The following NCOA7 variants were observed in gnomAD, a reference collection of about 807,000 sequenced individuals.
The protein encoded by NCOA7 is 140 kDa estrogen receptor-associated protein.
A neutral mutation model predicts 104.3 loss-of-function variants in NCOA7; 45 were observed. The observed-to-expected ratio is 0.43, with a 90% CI of 0.34 to 0.55. The LOEUF (loss-of-function observed/expected upper bound fraction) is 0.55, where lower values mean the gene tolerates loss of function less well. Among genes scored for constraint, NCOA7 ranks in the 20% least tolerant of loss-of-function variants. The pLI is 0.02. For synonymous variants in NCOA7, 398 were observed against 402.3 expected, an observed-to-expected ratio of 0.99 and a Z score of 0.13; for missense variants, 1,041 against 1,119.7, an observed-to-expected ratio of 0.93 and a Z score of 1.00.
At chr6:125,867,599 T>C (rs553401807) in intron 3 of NCOA7, among the ~76,000 whole-genome samples, 7 of 152,236 alleles carry the variant, frequency 4.6e-5, no homozygotes, top group African/African-American at 7.2e-5. Context: ...CTCTTTATCC[T>C]GGAGTTTCCA....
At chr6:125,831,163 C>T (rs760396200) in intron 2 of NCOA7, among the ~76,000 whole-genome samples, 2 of 152,088 alleles carry the variant, frequency 1.3e-5, no homozygotes, top group Non-Finnish European at 2.9e-5. Context: ...CTAAGTTAAC[C>T]GAATTCTCTA....
intron 12 of NCOA7, among the ~76,000 whole-genome samples, chr6:125,921,517 C>A (rs1006496529): frequency 6.6e-6 from 1 of 152,138 alleles, no homozygotes; most frequent in South Asian, 2.1e-4. Context: ...AAGGCCAGTG[C>A]CCCCTGCTCT....
rs1393197777 is a variant in NCOA7 at position 125,865,559 on chromosome 6, AC to A, written c.272-9329del. On this transcript the variant is annotated intron_variant, in intron 3 of 15. Transcript: ENST00000392477. ...TAGGTTTCTCTTAAAGTGCTACCTA[AC>A]AATACTGAATGTTTTAATTGTGCTT... 6.1e-3 allele frequency among the ~76,000 whole-genome samples: 837 copies of A among 137,392 alleles called. 216 individuals are homozygous for A. The highest frequency in any genetic ancestry group is 0.024 in the African/African-American group (790 of 32,880). The allele number at this position is 137,392 out of a possible 152,430, so 90.1% of individuals were successfully genotyped here.
At chr6:125,788,540 CT>C (rs59616110), upstream of NCOA7, among the ~76,000 whole-genome samples, 482 of 141,386 alleles carry the variant, frequency 3.4e-3, 2 homozygotes, top group African/African-American at 4.6e-3. Flanking sequence ...TTTGGAAGAC[CT>C]TTTTTTTTTT....
chr6:125,800,577 T>A (rs1775789273), intron 1 of NCOA7, among the ~76,000 whole-genome samples: 2 of 152,202 alleles, frequency 1.3e-5, no homozygotes, highest in African/African-American at 4.8e-5. Context: ...ATCAACTTAT[T>A]AAACATAAAT....
At chr6:125,809,418 A>G (rs1366683233) in intron 1 of NCOA7, among the ~76,000 whole-genome samples, 1 of 152,096 alleles carries the variant, frequency 6.6e-6, no homozygotes, top group African/African-American at 2.4e-5. Context: ...CCTGACCTCA[A>G]GCCTTCCACC....
intron 2 of NCOA7, among the ~76,000 whole-genome samples, chr6:125,821,180 T>TA (rs750874741): frequency 3.5e-4 from 53 of 152,154 alleles, no homozygotes; most frequent in Non-Finnish European, 6.8e-4. Flanking sequence ...TGAGTAGAAG[T>TA]ATTATCATCT....
At chr6:125,884,796 G>T (rs775854412) in intron 7 of NCOA7, among the ~76,000 whole-genome samples, 2 of 152,148 alleles carry the variant, frequency 1.3e-5, no homozygotes, top group Non-Finnish European at 2.9e-5. Context: ...CTGTATTCTC[G>T]ATCGGGTAAG....
intron 1 of NCOA7, among the ~76,000 whole-genome samples, chr6:125,808,226 C>T (rs1451522459): frequency 6.6e-6 from 1 of 152,174 alleles, no homozygotes; most frequent in Non-Finnish European, 1.5e-5. Flanking sequence ...ACCTCTTCTG[C>T]ATTCACGGTC....
At chr6:125,880,102 C>T (rs539026281) in intron 5 of NCOA7, among the ~76,000 whole-genome samples, 2 of 152,256 alleles carry the variant, frequency 1.3e-5, no homozygotes, top group East Asian at 3.9e-4. Context: ...TTTTGAGAAC[C>T]AGAATGTTTT....
In NCOA7 at chr6:125,882,420, C is replaced by T; in HGVS notation, c.574-6C>T. The T allele has an allele frequency of 1.9e-6, 3 of 1,608,322 alleles. No individual in the cohort carries two copies. Among genetic ancestry groups the T allele is most frequent in the Non-Finnish European group, 2.5e-6 (3 of 1,178,666 alleles). On this transcript the variant is annotated splice_polypyrimidine_tract_variant and splice_region_variant and intron_variant, in intron 6 of 15. Coordinates refer to ENST00000392477, the MANE Select transcript of NCOA7 (RefSeq NM_181782.5). Reference sequence around the variant, plus strand: ...ATTTGATTTTGAAATTTTTTGCTTTCACAAGGATGCTGACTTAGCACGAAA... The same window carrying T: ...ATTTGATTTTGAAATTTTTTGCTTTTACAAGGATGCTGACTTAGCACGAAA...
chr6:125,919,034 A>T (rs562894410), intron 11 of NCOA7, among the ~76,000 whole-genome samples: 1 of 152,300 alleles, frequency 6.6e-6, no homozygotes, highest in East Asian at 1.9e-4. Flanking sequence ...GAAAAAAAGT[A>T]TAAGAAGGAA....
chr6:125,913,728 A>G (rs1786796358), intron 10 of NCOA7: 1 of 877,804 alleles, frequency 1.1e-6, no homozygotes, highest in African/African-American at 1.8e-5. Flanking sequence ...GACATGATTA[A>G]TATAAAAAGG....
rs536319258 is a variant in NCOA7 at position 125,881,924 on chromosome 6, G to A, written c.574-502G>A. 7.9e-5 allele frequency among the ~76,000 whole-genome samples: 12 copies of A among 152,156 alleles called. No homozygotes were observed. The South Asian group carries it at 1.2e-3, about 16-fold the overall frequency. On this transcript the variant is annotated intron_variant, in intron 6 of 15. Transcript: ENST00000392477. ...GCTGTAGTGCAATGGCACGATCTTC[G>A]CTTACTGCAACCTCCGCCTCCTAGT...
In NCOA7 at chr6:125,840,868, G is replaced by GTTTTTT. The variant is rs57168444; in HGVS notation, c.51-14115_51-14110dup. Among the ~76,000 whole-genome samples the GTTTTTT allele has an allele frequency of 1.9e-3, 76 of 40,368 alleles. 10 individuals carry two copies. Among genetic ancestry groups the GTTTTTT allele is most frequent in the East Asian group, 4.4e-3 (6 of 1,358 alleles). 26.5% of individuals were successfully genotyped at this position (40,368 alleles called of 152,430 possible). A position where few individuals can be genotyped will look rare whatever the true frequency, so the allele number is the denominator to read the frequency against. On this transcript the variant is annotated intron_variant, in intron 2 of 15. Transcript: ENST00000392477. ...TTTTATGGTTTTTTTTGTTTGGTTG[G>GTTTTTT]TTTTTTTTTTTTTTTTTTTTTTTTT...
intron 10 of NCOA7, among the ~76,000 whole-genome samples, chr6:125,913,884 A>ATTGAAAAATGTTCAAGCCCTTAACG (rs1321007098): frequency 4.6e-5 from 7 of 152,262 alleles, no homozygotes; most frequent in Non-Finnish European, 1.0e-4. Flanking sequence ...GGAAGAAAAT[A>ATTGAAAAATGTTCAAGCCCTTAACG]TTGAAAAATG....
intron 12 of NCOA7, 90 bp downstream of exon 12, chr6:125,921,158 C>T (rs1787543327): frequency 6.7e-7 from 1 of 1,500,492 alleles, no homozygotes; most frequent in Non-Finnish European, 8.9e-7. Context: ...GCCTGTAATC[C>T]TCACACTTTG....
At chr6:125,853,520 G>A (rs773484055) in intron 2 of NCOA7, among the ~76,000 whole-genome samples, 12 of 152,068 alleles carry the variant, frequency 7.9e-5, no homozygotes, top group Non-Finnish European at 1.3e-4. Context: ...CTGCTGCTCT[G>A]TCTCTTATGC....
rs1157456201 is a variant in NCOA7, at chr6:125,907,578, A to T, written c.2097-7755A>T. The stretch of plus-strand genomic sequence containing the variant: ...TTATTAATGAAACCTAAAGCCAAGG[A>T]AGTAGTTGGCCCATACTATGACATG... On this transcript the variant is annotated intron_variant, in intron 10 of 15. Transcript: ENST00000392477. Among the ~76,000 whole-genome samples, 12 of 152,178 alleles carry T rather than the reference A, an allele frequency of 7.9e-5. No individual in the cohort carries two copies. The East Asian group carries it at 2.3e-3, about 29-fold the overall frequency.
Sources: gnomAD v4.1 joint callset for allele counts (sites outside exome capture counted in the v4.1 genomes callset) on GRCh38, gnomAD v4.1.1 for gene constraint, MANE v1.5 for transcripts, NCBI Gene and HGNC (gene_info 2026-07-23, HGNC 2026-07-21) for gene names.